Variants in ATAD3B observed in about 807,000 individuals in gnomAD.
ATAD3B encodes the protein ATPase family AAA domain-containing protein 3B.
Under a neutral mutation model 70.2 loss-of-function variants are expected in ATAD3B, and 59 were observed. The ratio of observed to expected loss-of-function variants is 0.84; its 90% CI spans 0.68 to 1.04. The LOEUF (loss-of-function observed/expected upper bound fraction) is 1.04. ATAD3B is among the 50% of genes least tolerant of loss of function. The probability of loss-of-function intolerance (pLI) is 0.00; values close to 1 mark genes in which losing one functional copy is unlikely to be tolerated. For missense variants in ATAD3B, 961 were observed against 913.4 expected, an observed-to-expected ratio of 1.05 and a Z score of -0.67; for synonymous variants, 423 against 388.6, an observed-to-expected ratio of 1.09 and a Z score of -1.04.
intron 1 of ATAD3B, among the ~76,000 whole-genome samples, chr1:1,473,892 G>A (rs925872463): frequency 6.6e-6 from 1 of 152,070 alleles, no homozygotes; most frequent in Non-Finnish European, 1.5e-5. Context: ...TGGCCTGGTG[G>A]TACTTGTGGT....
chr1:1,479,305 T>C (rs1639769498), intron 4 of ATAD3B, among the ~76,000 whole-genome samples, 197 bp downstream of exon 4: 3 of 147,440 alleles, frequency 2.0e-5, no homozygotes, highest in East Asian at 2.0e-4. Context: ...TGCACACATG[T>C]ACACGGAGAC....
chr1:1,496,316 C>A lies in ATAD3B; in HGVS notation c.*499C>A. On this transcript the variant is annotated 3_prime_UTR_variant, in exon 16 of 16. Transcript: ENST00000673477. ...AGGCTGGAGCTTTCTGGAGAATTTA[C>A]TGATCACAGAGCGGTGTGCTTCACA... is the stretch of plus-strand genomic sequence containing the variant. 1.1e-6 allele frequency: 1 copy of A among 890,810 alleles called. No individual in the cohort carries two copies. The highest frequency in any genetic ancestry group is 5.2e-5 in the South Asian group (1 of 19,390). The allele number at this position is 890,810 out of a possible 1,614,324, so 55.2% of individuals were successfully genotyped here.
chr1:1,507,403 G>C, the ATAD3B span, among the ~76,000 whole-genome samples: 1 of 152,158 alleles, frequency 6.6e-6, no homozygotes, highest in Non-Finnish European at 1.5e-5. Flanking sequence ...TTGGTCAAAT[G>C]CTTTTCCTGC....
At position 1,477,313 on chromosome 1, in the gene ATAD3B, A is replaced by T. The variant is rs777002267; in HGVS notation, c.245A>T (p.Glu82Val). The T allele has an allele frequency of 1.9e-6, 3 of 1,612,212 alleles. No individual in the cohort carries two copies. In the African/African-American group the frequency reaches 4.0e-5, roughly 22 times the overall value. Residue 82 changes from glutamate (E) to valine (V), a missense_variant, in exon 2 of 16, where the codon GAG becomes GTG. Around this residue, in one of 4 missense-constraint regions of ATAD3B, gnomAD observed 187 missense variants for 244.3 expected, o/e 0.77. Transcript: ENST00000673477. Reference sequence around the variant, plus strand: ...GCCCTGAATCTGGCGCAGATGCAGGAGCAGACGCTGCAGTTGGAGCAACAG... The same window carrying T: ...GCCCTGAATCTGGCGCAGATGCAGGTGCAGACGCTGCAGTTGGAGCAACAG... Reference protein sequence around the residue: ...KEALNLAQMQEQTLQLEQQSK... With the variant: ...KEALNLAQMQVQTLQLEQQSK...
intron 15 of ATAD3B, among the ~76,000 whole-genome samples, chr1:1,492,100 CA>C (rs1640567817): frequency 6.6e-6 from 1 of 151,404 alleles, no homozygotes; most frequent in African/African-American, 2.4e-5. Context: ...GTGGGAGGGT[CA>C]CTTGAGTCCA....
At chr1:1,491,850 C>T (rs1283171531) in intron 15 of ATAD3B, among the ~76,000 whole-genome samples, 5 of 151,914 alleles carry the variant, frequency 3.3e-5, no homozygotes, top group African/African-American at 1.2e-4. Context: ...GTCTCTGTTC[C>T]AGGCCGTCCC....
rs1175864938 is a variant in ATAD3B at position 1,496,257 on chromosome 1, GTCC to G, written c.*445_*447del. 1.1e-5 allele frequency: 11 copies of G among 993,044 alleles called. No individual in the cohort carries two copies. In the East Asian group the frequency reaches 9.8e-4, roughly 89 times the overall value. 61.5% of individuals were successfully genotyped at this position (993,044 alleles called of 1,614,324 possible). On this transcript the variant is annotated 3_prime_UTR_variant, in exon 16 of 16. Coordinates refer to ENST00000673477, the MANE Select transcript of ATAD3B (RefSeq NM_031921.6). ...CTCGGGGTTTCAGGGGCGCCCTAGC[GTCC>G]TCCTGGGGTCAAAGGTGACATAAGA...
chr1:1,485,183 G>A lies in ATAD3B; in HGVS notation c.906+12G>A. 6.2e-7 allele frequency: 1 copy of A among 1,609,480 alleles called. No homozygotes were observed. Among genetic ancestry groups the A allele is most frequent in the Non-Finnish European group, 8.5e-7 (1 of 1,179,124 alleles). ...GGCACCCCATCCAGGTAGCGGCGCA[G>A]GCCTGGCCCTCCCTGAGTGCAGTTC... On this transcript the variant is annotated intron_variant, in intron 8 of 15. Coordinates refer to ENST00000673477, the MANE Select transcript of ATAD3B (RefSeq NM_031921.6).
chr1:1,496,056 G>A lies in ATAD3B; in HGVS notation c.*239G>A. 1 of 1,289,920 alleles carries A rather than the reference G, an allele frequency of 7.8e-7. No homozygotes were observed. The allele number at this position is 1,289,920 out of a possible 1,614,324, so 79.9% of individuals were successfully genotyped here. A position where few individuals can be genotyped will look rare whatever the true frequency, so the allele number is the denominator to read the frequency against. ...GGGGGCCTGCCAGGACTAGACAGAA[G>A]TGGGGCGGCCTGAACCCTGCTTCCA... On this transcript the variant is annotated 3_prime_UTR_variant, in exon 16 of 16. Coordinates refer to ENST00000673477, the MANE Select transcript of ATAD3B (RefSeq NM_031921.6).
the ATAD3B span, among the ~76,000 whole-genome samples, chr1:1,505,357 CAAAGCCAGGT>C: frequency 0.013 from 2,017 of 152,290 alleles, 44 homozygotes; most frequent in African/African-American, 0.046. Context: ...ATCTAAAAGG[CAAAGCCAGGT>C]GTACAGGATG....
chr1:1,502,368 C>T (rs1458031146), downstream of ATAD3B, among the ~76,000 whole-genome samples: 2 of 148,262 alleles, frequency 1.3e-5, no homozygotes, highest in East Asian at 4.1e-4. Flanking sequence ...GCGCCCACCA[C>T]CGCGCCTGGC....
intron 13 of ATAD3B, 66 bp from the exon 14 acceptor site, chr1:1,490,184 GAGGAGCC>G (rs1482674793): frequency 4.5e-6 from 7 of 1,570,374 alleles, no homozygotes; most frequent in Non-Finnish European, 5.2e-6. Flanking sequence ...CGAGGGGGCT[GAGGAGCC>G]CCCGTTGCCC....
At chr1:1,474,071 G>C (rs968062689) in intron 1 of ATAD3B, among the ~76,000 whole-genome samples, 4 of 152,090 alleles carry the variant, frequency 2.6e-5, no homozygotes, top group Non-Finnish European at 5.9e-5. Flanking sequence ...GTTTTGAAGA[G>C]ATGGGGTCTT....
In ATAD3B at chr1:1,496,357, A is replaced by G; in HGVS notation, c.*540A>G. 1 of 677,286 alleles carries G rather than the reference A, an allele frequency of 1.5e-6. No homozygotes were observed. The highest frequency in any genetic ancestry group is 6.3e-5 in the Admixed American group (1 of 15,910). 42.0% of individuals were successfully genotyped at this position (677,286 alleles called of 1,614,324 possible). Reference sequence around the variant, plus strand: ...GTGCTTCACATCAGCCTCGCGCCACATCCGAGTTGGGGTCTGAATGCTGCC... The same window carrying G: ...GTGCTTCACATCAGCCTCGCGCCACGTCCGAGTTGGGGTCTGAATGCTGCC... On this transcript the variant is annotated 3_prime_UTR_variant, in exon 16 of 16. Transcript: ENST00000673477.
At chr1:1,475,959 C>T (rs1335491180) in intron 1 of ATAD3B, among the ~76,000 whole-genome samples, 2 of 150,014 alleles carry the variant, frequency 1.3e-5, no homozygotes, top group African/African-American at 5.0e-5. Flanking sequence ...ACCGTGACAC[C>T]CACGTTCCTG....
chr1:1,478,530 A>T, intron 2 of ATAD3B, 114 bp from the exon 3 acceptor site: 1 of 1,550,090 alleles, frequency 6.5e-7, no homozygotes, highest in Non-Finnish European at 8.7e-7. Context: ...CCTGCTGCAC[A>T]CACTAGTCTG....
chr1:1,508,500 G>C, the ATAD3B span, among the ~76,000 whole-genome samples: 4 of 151,516 alleles, frequency 2.6e-5, no homozygotes, highest in East Asian at 5.8e-4. Context: ...TCCTCCAGGC[G>C]TCCTGGTGCC....
At chr1:1,506,662 C>T in the ATAD3B span, among the ~76,000 whole-genome samples, 2 of 152,206 alleles carry the variant, frequency 1.3e-5, no homozygotes, top group Admixed American at 6.5e-5. Context: ...CATAATTTCC[C>T]TTTCAGATTA....
chr1:1,490,743 C>T, intron 15 of ATAD3B, 72 bp downstream of exon 15: 2 of 1,528,934 alleles, frequency 1.3e-6, no homozygotes, highest in Non-Finnish European at 1.8e-6. Flanking sequence ...TGCGCCAGGC[C>T]TGTCCCAGCA....
Sources: allele counts gnomAD v4.1 joint callset (sites outside exome capture counted in the v4.1 genomes callset), GRCh38; gene constraint gnomAD v4.1.1; regional missense constraint gnomAD v4.1.1; transcripts MANE v1.5; gene names NCBI Gene and HGNC (gene_info 2026-07-23, HGNC 2026-07-21).